Variants in RGS6 observed in about 807,000 individuals in gnomAD.
RGS6 encodes regulator of G-protein signaling 6.
In RGS6, 30 loss-of-function variants were observed where a neutral mutation model predicts 78.5. The ratio of observed to expected loss-of-function variants is 0.38; its 90% CI spans 0.29 to 0.52. The LOEUF (loss-of-function observed/expected upper bound fraction) is 0.52, where lower values mean the gene tolerates loss of function less well. Ranked by LOEUF, RGS6 falls within the 20% of genes least tolerant of loss-of-function variation. The probability of loss-of-function intolerance (pLI) is 0.85; values close to 1 mark genes in which losing one functional copy is unlikely to be tolerated. For missense variants in RGS6, 495 were observed against 609.7 expected, an observed-to-expected ratio of 0.81 and a Z score of 1.98; for synonymous variants, 206 against 206.0, an observed-to-expected ratio of 1.00 and a Z score of 0.00.
At chr14:72,201,481 A>G (rs1290818599) in intron 2 of RGS6, among the ~76,000 whole-genome samples, 2 of 152,212 alleles carry the variant, frequency 1.3e-5, no homozygotes, top group Admixed American at 6.5e-5. Context: ...CTTCACACTA[A>G]ATTCGACTTT....
At chr14:72,306,614 C>A (rs558199571) in intron 2 of RGS6, among the ~76,000 whole-genome samples, 16 of 152,262 alleles carry the variant, frequency 1.1e-4, no homozygotes, top group African/African-American at 3.6e-4. Context: ...TCATGGATGA[C>A]TTTGGAGGGG....
intron 3 of RGS6, among the ~76,000 whole-genome samples, chr14:72,407,796 C>T (rs1241056429): frequency 6.6e-6 from 1 of 152,216 alleles, no homozygotes; most frequent in Non-Finnish European, 1.5e-5. Flanking sequence ...CTCATGGCCT[C>T]TCAACAGATC....
At chr14:72,349,330 T>C (rs1394068738) in intron 2 of RGS6, among the ~76,000 whole-genome samples, 3 of 152,286 alleles carry the variant, frequency 2.0e-5, no homozygotes, top group Non-Finnish European at 2.9e-5. Flanking sequence ...GTTCTTCTCA[T>C]GGTAAGAGGG....
At chr14:72,279,976 T>G (rs915632586) in intron 2 of RGS6, among the ~76,000 whole-genome samples, 1 of 152,168 alleles carries the variant, frequency 6.6e-6, no homozygotes, top group Non-Finnish European at 1.5e-5. Context: ...CCACATTTAT[T>G]TCACGGACTC....
intron 3 of RGS6, among the ~76,000 whole-genome samples, chr14:72,359,952 A>C (rs2081135085): frequency 6.6e-6 from 1 of 152,192 alleles, no homozygotes; most frequent in Admixed American, 6.5e-5. Flanking sequence ...CGAGGTGCTA[A>C]GACAGTTAAT....
intron 2 of RGS6, among the ~76,000 whole-genome samples, chr14:72,068,809 C>T (rs557037792): frequency 8.6e-5 from 13 of 150,764 alleles, no homozygotes; most frequent in Middle Eastern, 3.4e-3. Flanking sequence ...CTTCCTTTCT[C>T]TCCTCCTTCC....
intron 2 of RGS6, among the ~76,000 whole-genome samples, chr14:72,257,768 T>C (rs565166069): frequency 1.3e-5 from 2 of 152,146 alleles, no homozygotes; most frequent in African/African-American, 2.4e-5. Context: ...ACAACAGTCC[T>C]GATCAAAGAA....
intron 2 of RGS6, among the ~76,000 whole-genome samples, chr14:72,250,055 ACAGGAAGGG>A (rs2055261995): frequency 1.5e-5 from 2 of 129,330 alleles, no homozygotes; most frequent in Non-Finnish European, 3.1e-5. Flanking sequence ...TCACATGGAC[ACAGGAAGGG>A]GAATATCACA....
chr14:72,113,663 C>A (rs1280171108), intron 2 of RGS6, among the ~76,000 whole-genome samples: 1 of 152,220 alleles, frequency 6.6e-6, no homozygotes, highest in African/African-American at 2.4e-5. Flanking sequence ...GACTGCTCTG[C>A]TGCAGGTGGT....
At chr14:71,981,342 T>G (rs991999394) in intron 2 of RGS6, among the ~76,000 whole-genome samples, 1 of 152,206 alleles carries the variant, frequency 6.6e-6, no homozygotes. Context: ...GGCGCTCTGC[T>G]TTTTAGAGTT....
intron 2 of RGS6, among the ~76,000 whole-genome samples, chr14:72,270,004 C>T (rs1016020042): frequency 6.6e-6 from 1 of 152,134 alleles, no homozygotes; most frequent in African/African-American, 2.4e-5. Flanking sequence ...GGGGATACAA[C>T]AAAAAGCTAG....
chr14:72,350,028 C>T (rs1232565099), intron 2 of RGS6, among the ~76,000 whole-genome samples: 5 of 152,136 alleles, frequency 3.3e-5, no homozygotes, highest in African/African-American at 1.2e-4. Flanking sequence ...TCAAATTGCT[C>T]TAAATTGTTG....
chr14:71,926,585 G>GAAAAAAA, the RGS6 span, among the ~76,000 whole-genome samples: 6 of 51,262 alleles, frequency 1.2e-4, no homozygotes, highest in Non-Finnish European at 1.6e-4. Context: ...CTCTGTCTCA[G>GAAAAAAA]AAAAAAAAAA....
the RGS6 span, among the ~76,000 whole-genome samples, chr14:72,621,938 C>T: frequency 2.6e-5 from 4 of 152,254 alleles, no homozygotes; most frequent in East Asian, 5.8e-4. Context: ...TAGACATGTT[C>T]TACAGATAGG....
intron 2 of RGS6, among the ~76,000 whole-genome samples, chr14:72,333,907 C>T (rs1353164963): frequency 6.6e-6 from 1 of 152,226 alleles, no homozygotes; most frequent in East Asian, 1.9e-4. Context: ...CCCATTAAAT[C>T]TCTGCATCCC....
intron 2 of RGS6, among the ~76,000 whole-genome samples, chr14:72,240,195 T>G (rs917074447): frequency 2.0e-5 from 3 of 152,188 alleles, no homozygotes; most frequent in African/African-American, 7.2e-5. Flanking sequence ...GGGAATCCTT[T>G]GAATAAATAT....
intron 2 of RGS6, among the ~76,000 whole-genome samples, chr14:72,117,202 G>T (rs2095915378): frequency 6.6e-6 from 1 of 152,110 alleles, no homozygotes. Flanking sequence ...TGCAGCATGG[G>T]TGATATGGTT....
Position 71,979,906 on chromosome 14 carries a change from G to C in RGS6, c.84+15031G>C, listed in dbSNP as rs1302304528. 2.8e-4 allele frequency among the ~76,000 whole-genome samples: 41 copies of C among 144,256 alleles called. No homozygotes were observed. The East Asian group carries it at 6.4e-3, about 23-fold the overall frequency. The allele number at this position is 144,256 out of a possible 152,430, so 94.6% of individuals were successfully genotyped here. On this transcript the variant is annotated intron_variant, in intron 2 of 17. Transcript: ENST00000553525. ...AATGTGTGGGAGTCTAAGTCTCTTT[G>C]TAGGTCACTCAGGACTTGCTTTATG...
chr14:71,946,893 C>T (rs1447469948), intron 1 of RGS6, among the ~76,000 whole-genome samples: 3 of 152,050 alleles, frequency 2.0e-5, no homozygotes, highest in African/African-American at 2.4e-5. Flanking sequence ...ATAGGGGAAA[C>T]CTAGGTTTAA....
Sources: allele counts gnomAD v4.1 joint callset (sites outside exome capture counted in the v4.1 genomes callset), GRCh38; gene constraint gnomAD v4.1.1; transcripts MANE v1.5; gene names NCBI Gene and HGNC (gene_info 2026-07-23, HGNC 2026-07-21).